The following SBF2 variants were observed in gnomAD, a reference collection of about 807,000 sequenced individuals.
SBF2 encodes SET binding factor 2, also known as myotubularin-related protein 13.
In SBF2, 112 loss-of-function variants were observed where a neutral mutation model predicts 225.2. The ratio of observed to expected loss-of-function variants is 0.50; its 90% CI spans 0.43 to 0.58. SBF2 has a LOEUF of 0.58. SBF2 is among the 20% of genes least tolerant of loss of function. The probability of loss-of-function intolerance (pLI) is 0.00; values close to 1 mark genes in which losing one functional copy is unlikely to be tolerated. For missense variants in SBF2, 1,996 were observed against 2,206.2 expected, an observed-to-expected ratio of 0.90 and a Z score of 1.91; for synonymous variants, 763 against 773.3, an observed-to-expected ratio of 0.99 and a Z score of 0.22.
chr11:10,166,596 T>C (rs1365555523), intron 2 of SBF2, among the ~76,000 whole-genome samples: 1 of 152,080 alleles, frequency 6.6e-6, no homozygotes, highest in Non-Finnish European at 1.5e-5. Flanking sequence ...AAAGAACAAA[T>C]CCAAAAATGA....
chr11:10,219,970 G>C (rs190977527), intron 1 of SBF2, among the ~76,000 whole-genome samples: 3 of 152,296 alleles, frequency 2.0e-5, no homozygotes, highest in East Asian at 3.9e-4. Context: ...CAGTTCCAAA[G>C]ATGCTCCCAC....
intron 38 of SBF2, among the ~76,000 whole-genome samples, chr11:9,782,886 A>AAAG (rs1373529996): frequency 6.6e-6 from 1 of 151,904 alleles, no homozygotes; most frequent in East Asian, 1.9e-4. Context: ...AAAAAAAAAA[A>AAAG]AAAGAAAAAA....
chr11:9,990,524 T>G (rs1364892390), intron 12 of SBF2, among the ~76,000 whole-genome samples: 1 of 152,032 alleles, frequency 6.6e-6, no homozygotes. Flanking sequence ...CCAAAGAGGG[T>G]AGAATGAGAA....
intron 17 of SBF2, among the ~76,000 whole-genome samples, chr11:9,866,790 A>T (rs886590840): frequency 6.6e-6 from 1 of 152,194 alleles, no homozygotes; most frequent in Admixed American, 6.5e-5. Flanking sequence ...AACTAAAGAA[A>T]CAACATACAA....
chr11:9,833,513 C>T (rs1161005622), intron 26 of SBF2, among the ~76,000 whole-genome samples: 1 of 151,070 alleles, frequency 6.6e-6, no homozygotes, highest in Admixed American at 6.6e-5. Flanking sequence ...CTCCGCCTCC[C>T]GGGTTCACGC....
chr11:10,031,118 T>G lies in SBF2; in HGVS notation c.332A>C (p.Gln111Pro), dbSNP rs1949239187. Residue 111 changes from glutamine to proline, a missense_variant, in exon 4 of 40, where the codon CAG (glutamine) becomes CCG (proline). By Grantham distance (76) the Gln-to-Pro change is moderately conservative (BLOSUM62 -1). Transcript: ENST00000256190. ...TTTGGGAGCAAACACTTCTGCAGGC[T>G]GAATTAAACCAGACACTTTTGCTTC... ...EGEAKVSGLI[Q>P]PAEVFAPKSL... 1 of 1,613,598 alleles carries G rather than the reference T, an allele frequency of 6.2e-7. No homozygotes were observed. Among genetic ancestry groups the G allele is most frequent in the Non-Finnish European group, 8.5e-7 (1 of 1,179,670 alleles).
chr11:10,261,911 T>C (rs747874354), intron 1 of SBF2, among the ~76,000 whole-genome samples: 3 of 152,094 alleles, frequency 2.0e-5, no homozygotes, highest in Non-Finnish European at 4.4e-5. Flanking sequence ...TGTTCTAGAA[T>C]AGGAAAAATT....
intron 2 of SBF2, among the ~76,000 whole-genome samples, chr11:10,133,506 C>T (rs1393397133): frequency 7.3e-6 from 1 of 136,430 alleles, no homozygotes; most frequent in Non-Finnish European, 1.7e-5. Context: ...TGGGCCAGCA[C>T]TGCTGGGGGA....
intron 16 of SBF2, among the ~76,000 whole-genome samples, chr11:9,938,208 G>A (rs567009419): frequency 4.3e-4 from 66 of 151,874 alleles, no homozygotes; most frequent in Non-Finnish European, 6.8e-4. Flanking sequence ...GGAGAATGGT[G>A]AGAACCCGGC....
chr11:10,020,526 T>A (rs1948811901), intron 6 of SBF2, among the ~76,000 whole-genome samples: 1 of 152,084 alleles, frequency 6.6e-6, no homozygotes, highest in Non-Finnish European at 1.5e-5. Context: ...CAATTCCAAG[T>A]GTACTTTACT....
At chr11:9,873,074 C>T (rs556026932) in intron 17 of SBF2, among the ~76,000 whole-genome samples, 1 of 151,790 alleles carries the variant, frequency 6.6e-6, no homozygotes, top group African/African-American at 2.4e-5. Flanking sequence ...GGCGTGGTGG[C>T]ACACACCTGT....
At chr11:10,128,678 A>C (rs1269194557) in intron 2 of SBF2, among the ~76,000 whole-genome samples, 1 of 152,236 alleles carries the variant, frequency 6.6e-6, no homozygotes, top group African/African-American at 2.4e-5. Context: ...AAGGTCCTAA[A>C]GAAAATACTG....
chr11:9,869,045 T>C (rs1858490093), intron 17 of SBF2, among the ~76,000 whole-genome samples: 2 of 152,228 alleles, frequency 1.3e-5, no homozygotes, highest in African/African-American at 4.8e-5. Context: ...CAAGAGAAAC[T>C]TTCCCTTATC....
intron 33 of SBF2, among the ~76,000 whole-genome samples, chr11:9,793,992 G>A (rs1203842771): frequency 1.3e-5 from 2 of 152,166 alleles, no homozygotes; most frequent in Non-Finnish European, 2.9e-5. Flanking sequence ...AACTTAGCCT[G>A]GGCAAGATGG....
At chr11:10,216,735 T>C (rs950906608) in intron 1 of SBF2, among the ~76,000 whole-genome samples, 23 of 152,246 alleles carry the variant, frequency 1.5e-4, no homozygotes, top group African/African-American at 5.3e-4. Flanking sequence ...CCGGGTGTGG[T>C]GGCGGGCCCC....
intron 16 of SBF2, among the ~76,000 whole-genome samples, chr11:9,901,196 G>T (rs576963107): frequency 2.0e-5 from 3 of 152,128 alleles, no homozygotes; most frequent in African/African-American, 7.2e-5. Context: ...GGAATATGCA[G>T]ACCAAAATAT....
At chr11:10,042,446 G>T (rs1949688741) in intron 3 of SBF2, among the ~76,000 whole-genome samples, 1 of 152,140 alleles carries the variant, frequency 6.6e-6, no homozygotes. Flanking sequence ...TAACATTTGG[G>T]TGCTTAAACA....
rs1360877803 is a variant in SBF2, at chr11:9,998,941, T to C, written c.862-562A>G. ...GCTGCAGCAAGCACAGAGGATTGCA[T>C]TTGAGACACTTTATTCAAGTAGTTT... is the stretch of plus-strand genomic sequence containing the variant. On this transcript the variant is annotated intron_variant, in intron 8 of 39. Coordinates refer to ENST00000256190, the MANE Select transcript of SBF2 (RefSeq NM_030962.4). Among the ~76,000 whole-genome samples, 4 of 152,236 alleles carry C rather than the reference T, an allele frequency of 2.6e-5. No homozygotes were observed. In the South Asian group the frequency reaches 6.2e-4, roughly 24 times the overall value.
intron 26 of SBF2, among the ~76,000 whole-genome samples, chr11:9,837,669 A>T (rs1855816692): frequency 6.6e-6 from 1 of 152,170 alleles, no homozygotes; most frequent in South Asian, 2.1e-4. Context: ...TTTGCGTGGT[A>T]TATTTTTTCT....
Sources: allele counts gnomAD v4.1 joint callset (sites outside exome capture counted in the v4.1 genomes callset), GRCh38; gene constraint gnomAD v4.1.1; transcripts MANE v1.5; gene names NCBI Gene and HGNC (gene_info 2026-07-23, HGNC 2026-07-21).